Variants in PLA2G4B observed in about 807,000 individuals in gnomAD.
PLA2G4B encodes the protein phospholipase A2 group IVB.
Under a neutral mutation model 95.8 loss-of-function variants are expected in PLA2G4B, and 122 were observed. The observed-to-expected ratio is 1.27, with a 90% confidence interval of 1.10 to 1.48. The LOEUF is 1.48. Among genes scored for constraint, PLA2G4B ranks in the 40% most tolerant of loss-of-function variants. The pLI is 0.00. For synonymous variants in PLA2G4B, 518 were observed against 421.5 expected, an observed-to-expected ratio of 1.23 and a Z score of -2.80; for missense variants, 1,158 against 996.2, an observed-to-expected ratio of 1.16 and a Z score of -2.19.
rs770559959 is a variant in PLA2G4B at position 41,842,602 on chromosome 15, T to TGGCTGGG, written c.743+13_743+19dup. 45 of 1,609,112 alleles carry TGGCTGGG rather than the reference T, an allele frequency of 2.8e-5. No homozygotes were observed. In the African/African-American group the frequency reaches 5.2e-4, roughly 19 times the overall value. ...GAAAAAAGAAGCAGGGTGAGAGGCC[T>TGGCTGGG]GGCTGGGGACTGGGCAAGGCCCTGG... On this transcript the variant is annotated intron_variant, in intron 10 of 19. Coordinates refer to ENST00000458483, the MANE Select transcript of PLA2G4B (RefSeq NM_001114633.2).
At chr15:41,840,377 A>G in intron 2 of PLA2G4B, 147 bp downstream of exon 2, 1 of 1,573,800 alleles carries the variant, frequency 6.4e-7, no homozygotes, top group Non-Finnish European at 8.6e-7. Flanking sequence ...TCTGGGTGGA[A>G]GGTGGCAGCT....
chr15:41,845,759 C>T lies in PLA2G4B; in HGVS notation c.1479C>T (p.Arg493=). The stretch of plus-strand genomic sequence containing the variant: ...TGATGAAGAGGCTTCCTGAGTCCCG[C>T]ATCTGCTTCTTAGAAGGTGAGGGGC... ...GQLMKRLPES[R]ICFLEGIWSN... Residue 493 remains arginine, a synonymous_variant, in exon 15 of 20, where the codon CGC becomes CGT. Transcript: ENST00000458483. The T allele has an allele frequency of 6.2e-7, 1 of 1,603,026 alleles. No homozygotes were observed. The highest frequency in any genetic ancestry group is 1.1e-5 in the South Asian group (1 of 89,720).
At chr15:41,838,953 T>C (rs1187736268) in intron 1 of PLA2G4B, 31 bp downstream of exon 1, 3 of 1,547,094 alleles carry the variant, frequency 1.9e-6, no homozygotes, top group African/African-American at 2.7e-5. Context: ...GGGTCCCTAC[T>C]GGGACCCCTG....
At position 41,840,765 on chromosome 15, in the gene PLA2G4B, C is replaced by T. The variant is rs1161919428; in HGVS notation, c.220-9C>T. The stretch of plus-strand genomic sequence containing the variant: ...CCTCCTGCAGCCCTGTCACTCTTTT[C>T]CCCTCCAGAATGTCATGGAACTGAA... On this transcript the variant is annotated splice_polypyrimidine_tract_variant and intron_variant, in intron 3 of 19. Coordinates refer to ENST00000458483, the MANE Select transcript of PLA2G4B (RefSeq NM_001114633.2). The T allele has an allele frequency of 5.0e-6, 8 of 1,613,126 alleles. No homozygotes were observed. Among genetic ancestry groups the T allele is most frequent in the Middle Eastern group, 1.6e-4 (1 of 6,062 alleles).
Position 41,847,812 on chromosome 15 carries a change from G to A in PLA2G4B, c.2298G>A (p.Glu766=). 1.9e-6 allele frequency: 3 copies of A among 1,608,548 alleles called. No homozygotes were observed. The highest frequency in any genetic ancestry group is 2.5e-6 in the Non-Finnish European group (3 of 1,180,000). The change falls in exon 20 of 20, where the codon GAG becomes GAA. Residue 766 remains glutamate, a synonymous_variant. Coordinates refer to ENST00000458483, the MANE Select transcript of PLA2G4B (RefSeq NM_001114633.2). The part of the protein sequence containing the change: ...NVCNNQEQLL[E]ALRQAVQRRR... ...GCAACAACCAGGAGCAGCTGCTGGA[G>A]GCTCTGCGCCAGGCAGTGCAGCGGA...
rs1444498567 is a variant in PLA2G4B at position 41,845,984 on chromosome 15, T to TTATACTGGGCCTCAGAGCCCAGCCAGTTC, written c.1539_1567dup (p.Trp523TyrfsTer29). The TTATACTGGGCCTCAGAGCCCAGCCAGTTC allele has an allele frequency of 6.6e-7, 1 of 1,521,416 alleles. No homozygotes were observed. The highest frequency in any genetic ancestry group is 1.3e-5 in the South Asian group (1 of 75,742). The allele number at this position is 1,521,416 out of a possible 1,614,324, so 94.2% of individuals were successfully genotyped here. A position where few individuals can be genotyped will look rare whatever the true frequency, so the allele number is the denominator to read the frequency against. On this transcript the variant is annotated frameshift_variant, in exon 16 of 20. Transcript: ENST00000458483. LOFTEE classifies it high-confidence loss of function. ...GTATGCAGCCAACCTCCAGGACAGCTTATACTGGGCCTCAGAGCCCAGCCA... is the reference window on the plus strand; with the variant it reads ...GTATGCAGCCAACCTCCAGGACAGCTTATACTGGGCCTCAGAGCCCAGCCAGTTCTATACTGGGCCTCAGAGCCCAGCCA...
chr15:41,840,996 C>T, intron 4 of PLA2G4B, 59 bp from the exon 5 acceptor site: 1 of 1,573,528 alleles, frequency 6.4e-7, no homozygotes, highest in East Asian at 2.3e-5. Flanking sequence ...CTCTCATACT[C>T]ACTGACATAT....
chr15:41,843,369 C>T lies in PLA2G4B; in HGVS notation c.744-307C>T, dbSNP rs114384152. On this transcript the variant is annotated intron_variant, in intron 10 of 19. Coordinates refer to ENST00000458483, the MANE Select transcript of PLA2G4B (RefSeq NM_001114633.2). Reference sequence around the variant, plus strand: ...AACTCCGTGGGTAAGGGACAGAACACGAGACTTGGAGGGGGGGGATCTATG... The same window carrying T: ...AACTCCGTGGGTAAGGGACAGAACATGAGACTTGGAGGGGGGGGATCTATG... 6.6e-3 allele frequency: 2,213 copies of T among 333,522 alleles called. 36 individuals carry two copies. The highest frequency in any genetic ancestry group is 0.044 in the African/African-American group (2,078 of 46,868). The allele number at this position is 333,522 out of a possible 1,614,324, so 20.7% of individuals were successfully genotyped here.
chr15:41,847,605 TCC>T, intron 19 of PLA2G4B, 42 bp from the exon 20 acceptor site: 2 of 1,612,426 alleles, frequency 1.2e-6, no homozygotes, highest in South Asian at 1.1e-5. Flanking sequence ...AAACCTGTCT[TCC>T]CCACAACGTG....
At chr15:41,840,473 G>C in intron 2 of PLA2G4B, 51 bp from the exon 3 acceptor site, 1 of 1,611,466 alleles carries the variant, frequency 6.2e-7, no homozygotes, top group Non-Finnish European at 8.5e-7. Flanking sequence ...GTGGGTCTGG[G>C]CGGCTGGGAA....
rs756517705 is a variant in PLA2G4B, at chr15:41,847,399, C to G, written c.2010C>G (p.Pro670=). 6.2e-7 allele frequency: 1 copy of G among 1,612,748 alleles called. No individual in the cohort carries two copies. Among genetic ancestry groups the G allele is most frequent in the African/African-American group, 1.3e-5 (1 of 74,910 alleles). Reference sequence around the variant, plus strand: ...GGATCCCGTTCCCACCCATCTCGCCCAGCCCCGAAGAGCAGCTCCAGCCTC... The same window carrying G: ...GGATCCCGTTCCCACCCATCTCGCCGAGCCCCGAAGAGCAGCTCCAGCCTC... The part of the protein sequence containing the change: ...EQGIPFPPIS[P]SPEEQLQPRE... Residue 670 remains proline, a synonymous_variant, in exon 19 of 20, where the codon CCC becomes CCG. Transcript: ENST00000458483.
rs1466852703 is a variant in PLA2G4B, at chr15:41,847,343, C to T, written c.1954C>T (p.Gln652Ter). ...CCTTCTGCCTGCCCTGCAGCAGTTG[C>T]AGCTCCTGGGCCGGTTCTGCCAGGA... is the stretch of plus-strand genomic sequence containing the variant. ...YNLHGAFQQL[Q>*]LLGRFCQEQG... is the part of the protein sequence containing the mutation. Residue 652 changes from glutamine to a stop codon, truncating the protein, a stop_gained, in exon 19 of 20, where the codon CAG becomes TAG. Transcript: ENST00000458483. LOFTEE classifies it high-confidence loss of function. 1.3e-6 allele frequency: 2 copies of T among 1,599,650 alleles called. No homozygotes were observed. Among genetic ancestry groups the T allele is most frequent in the Non-Finnish European group, 1.7e-6 (2 of 1,171,742 alleles).
Position 41,843,691 on chromosome 15 carries a change from C to A in PLA2G4B, c.759C>A (p.Ala253=). Residue 253 remains alanine, a synonymous_variant, in exon 11 of 20, where the codon GCC becomes GCA. Transcript: ENST00000458483. ...CCCCGGCCAGACTGAGGGAGCTGGCCGTGCGACTGGGCTTCGGGCCCTGTG... is the reference window on the plus strand; with the variant it reads ...CCCCGGCCAGACTGAGGGAGCTGGCAGTGCGACTGGGCTTCGGGCCCTGTG... ...LKKEAGLREL[A]VRLGFGPCAE... The A allele has an allele frequency of 6.2e-7, 1 of 1,613,614 alleles. No individual in the cohort carries two copies. Among genetic ancestry groups the A allele is most frequent in the South Asian group, 1.1e-5 (1 of 91,060 alleles).
Position 41,840,861 on chromosome 15 carries a change from C to G in PLA2G4B, c.307C>G (p.Arg103Gly), listed in dbSNP as rs373201463. The G allele has an allele frequency of 1.1e-5, 17 of 1,613,724 alleles. No individual in the cohort carries two copies. Among genetic ancestry groups the G allele is most frequent in the African/African-American group, 2.7e-5 (2 of 74,924 alleles). ...AGTACTGTTTGATGCGGGGACTCTG[C>G]GGGCTGGGGAGTTCCGGCGCGAGAG... The part of the protein sequence containing the change: ...LSVLFDAGTL[R>G]AGEFRRESFS... The change falls in exon 4 of 20, where the codon CGG (arginine) becomes GGG (glycine). Residue 103 changes from arginine (R) to glycine (G), a missense_variant. Coordinates refer to ENST00000458483, the MANE Select transcript of PLA2G4B (RefSeq NM_001114633.2).
Position 41,841,752 on chromosome 15 carries a change from G to A in PLA2G4B, c.491-67G>A, listed in dbSNP as rs1055788931. The stretch of plus-strand genomic sequence containing the variant: ...GAGAGGGAGGTGCCCTCCAGGCCAC[G>A]CAGCAAGATGGGTTCTGTGGGCAGA... On this transcript the variant is annotated intron_variant, in intron 7 of 19. Coordinates refer to ENST00000458483, the MANE Select transcript of PLA2G4B (RefSeq NM_001114633.2). The A allele has an allele frequency of 1.2e-4, 195 of 1,589,258 alleles. 1 individual carries two copies. Among genetic ancestry groups the A allele is most frequent in the Middle Eastern group, 6.8e-4 (4 of 5,922 alleles).
At chr15:41,842,640 G>A (rs750618724) in intron 10 of PLA2G4B, 49 bp downstream of exon 10, 1 of 1,601,200 alleles carries the variant, frequency 6.2e-7, no homozygotes, top group South Asian at 1.1e-5. Flanking sequence ...AACAACCAGG[G>A]TGCGGGGCTG....
intron 10 of PLA2G4B, chr15:41,843,319 T>C: frequency 5.3e-6 from 1 of 189,638 alleles, no homozygotes; most frequent in Non-Finnish European, 1.1e-5. Flanking sequence ...GTTATATGCC[T>C]GCCTCAGCCT....
At position 41,840,247 on chromosome 15, in the gene PLA2G4B, C is replaced by G; in HGVS notation, c.82+17C>G. On this transcript the variant is annotated intron_variant, in intron 2 of 19. Coordinates refer to ENST00000458483, the MANE Select transcript of PLA2G4B (RefSeq NM_001114633.2). ...AGGACCTAGGTGAGTGCGCACCGCC[C>G]TGGCCCCTGTGCTGGGCTGAGGGAG... 6.2e-7 allele frequency: 1 copy of G among 1,612,400 alleles called. No homozygotes were observed. Among genetic ancestry groups the G allele is most frequent in the South Asian group, 1.1e-5 (1 of 91,076 alleles).
intron 11 of PLA2G4B, 137 bp downstream of exon 11, chr15:41,843,948 G>C (rs79322941): frequency 1.1e-5 from 15 of 1,425,084 alleles, no homozygotes; most frequent in Admixed American, 8.0e-5. Context: ...CTCTCACCTG[G>C]TGTTAGCAGG....
Sources: gnomAD v4.1 joint callset for allele counts on GRCh38, gnomAD v4.1.1 for gene constraint, MANE v1.5 for transcripts, NCBI Gene and HGNC (gene_info 2026-07-23, HGNC 2026-07-21) for gene names.